Variants in PCCA observed in about 807,000 individuals in gnomAD.
PCCA encodes propionyl-CoA carboxylase alpha chain, mitochondrial.
PCCA carries 74 observed loss-of-function variants against 101.3 expected under a neutral mutation model. The observed-to-expected ratio is 0.73, with a 90% CI of 0.61 to 0.89. The LOEUF is 0.89. PCCA is among the 40% of genes least tolerant of loss of function. PCCA has a pLI of 0.00. For missense variants in PCCA, 891 were observed against 907.0 expected, an observed-to-expected ratio of 0.98 and a Z score of 0.23; for synonymous variants, 294 against 313.6, an observed-to-expected ratio of 0.94 and a Z score of 0.66.
intron 6 of PCCA, among the ~76,000 whole-genome samples, chr13:100,174,306 C>T (rs1418544567): frequency 6.6e-6 from 1 of 151,650 alleles, no homozygotes; most frequent in African/African-American, 2.4e-5. Context: ...CTAAAAAGCT[C>T]GAGTTTCACT....
chr13:100,443,654 AT>A (rs5806162), intron 20 of PCCA, among the ~76,000 whole-genome samples: 131,130 of 149,272 alleles, frequency 0.88, 58,321 homozygotes, highest in East Asian at 0.98. Flanking sequence ...GGTTATTGTG[AT>A]TTTTTTTTTT....
At chr13:100,150,957 T>C in intron 4 of PCCA, 1 of 1,515,510 alleles carries the variant, frequency 6.6e-7, no homozygotes, top group Non-Finnish European at 9.2e-7. Context: ...CAGCGCGCTT[T>C]ATCAGGCTGG....
intron 12 of PCCA, among the ~76,000 whole-genome samples, chr13:100,282,942 A>G (rs2064259632): frequency 6.6e-6 from 1 of 152,028 alleles, no homozygotes; most frequent in Non-Finnish European, 1.5e-5. Context: ...GAAATCTCCA[A>G]AGGACCACAA....
intron 4 of PCCA, among the ~76,000 whole-genome samples, chr13:100,133,582 GTTTT>G (rs1224463211): frequency 6.6e-6 from 1 of 151,466 alleles, no homozygotes; most frequent in Non-Finnish European, 1.5e-5. Flanking sequence ...CGGTTTTTTT[GTTTT>G]TTGTTTTTTT....
chr13:100,440,051 T>C (rs1388639335), intron 20 of PCCA, among the ~76,000 whole-genome samples: 1 of 151,224 alleles, frequency 6.6e-6, no homozygotes, highest in African/African-American at 2.4e-5. Context: ...ACTAATTTTC[T>C]ATGTTAAAGC....
intron 21 of PCCA, among the ~76,000 whole-genome samples, chr13:100,460,663 G>A (rs7981517): frequency 0.22 from 33,650 of 152,050 alleles, 3,786 homozygotes; most frequent in Admixed American, 0.24. Context: ...GAAAGCTTGA[G>A]TGATAATATT....
chr13:100,199,202 T>A (rs897040913), intron 6 of PCCA, among the ~76,000 whole-genome samples: 2 of 151,308 alleles, frequency 1.3e-5, no homozygotes, highest in African/African-American at 4.9e-5. Context: ...TTACCCTGAA[T>A]CCTGGAAAGC....
intron 6 of PCCA, among the ~76,000 whole-genome samples, chr13:100,157,555 C>A (rs2054004213): frequency 6.6e-6 from 1 of 152,158 alleles, no homozygotes; most frequent in African/African-American, 2.4e-5. Flanking sequence ...ATCACCATTA[C>A]ACTGAATGAA....
At chr13:100,340,005 A>G (rs1344778642) in intron 17 of PCCA, 152 bp from the exon 18 acceptor site, 3 of 680,588 alleles carry the variant, frequency 4.4e-6, no homozygotes, top group African/African-American at 1.8e-5. Flanking sequence ...TGCTTCCTCA[A>G]TGTCCGCACA....
intron 19 of PCCA, among the ~76,000 whole-genome samples, chr13:100,376,935 T>TAGGCTTCC (rs1486388038): frequency 6.6e-6 from 1 of 152,198 alleles, no homozygotes; most frequent in African/African-American, 2.4e-5. Flanking sequence ...CCTGGTGGTG[T>TAGGCTTCC]AGGCTTCCAA....
Position 100,118,943 on chromosome 13 carries a change from A to G in PCCA, c.300+6882A>G, listed in dbSNP as rs539619725. Among the ~76,000 whole-genome samples the G allele has an allele frequency of 4.8e-4, 73 of 152,256 alleles. No homozygotes were observed. The South Asian group carries it at 0.014, about 29-fold the overall frequency. On this transcript the variant is annotated intron_variant, in intron 4 of 23. Coordinates refer to ENST00000376285, the MANE Select transcript of PCCA (RefSeq NM_000282.4). ...ATGCTAAGTATGATCATTTGGTTTCATCAGGTCTTCCCATTATAATGGTAC... is the reference window on the plus strand; with the variant it reads ...ATGCTAAGTATGATCATTTGGTTTCGTCAGGTCTTCCCATTATAATGGTAC...
At chr13:100,442,781 A>G (rs995596853) in intron 20 of PCCA, among the ~76,000 whole-genome samples, 7 of 152,232 alleles carry the variant, frequency 4.6e-5, no homozygotes, top group Non-Finnish European at 1.0e-4. Context: ...AAGGATGGCT[A>G]GGAAGTCCTC....
At chr13:100,376,078 T>G (rs2075881204) in intron 19 of PCCA, among the ~76,000 whole-genome samples, 2 of 152,328 alleles carry the variant, frequency 1.3e-5, no homozygotes, top group South Asian at 4.1e-4. Flanking sequence ...TTTCTGTTTG[T>G]TAGTTTTCCT....
chr13:100,423,052 G>A (rs953849499), intron 19 of PCCA, among the ~76,000 whole-genome samples: 2 of 149,522 alleles, frequency 1.3e-5, no homozygotes, highest in Non-Finnish European at 3.0e-5. Flanking sequence ...AGTATTGGTT[G>A]TTTTCTGAGT....
At chr13:100,215,836 C>T (rs2059475976) in intron 7 of PCCA, among the ~76,000 whole-genome samples, 1 of 152,006 alleles carries the variant, frequency 6.6e-6, no homozygotes, top group African/African-American at 2.4e-5. Context: ...GATGAAGTTT[C>T]ACCACGTTGG....
chr13:100,161,612 G>A (rs2054480449), intron 6 of PCCA: 1 of 152,068 alleles, frequency 6.6e-6, no homozygotes, highest in Admixed American at 6.5e-5. Context: ...ATAAAATAAA[G>A]TGGATTAAAA....
intron 17 of PCCA, among the ~76,000 whole-genome samples, chr13:100,335,960 C>A (rs2070381490): frequency 6.6e-6 from 1 of 152,104 alleles, no homozygotes; most frequent in Admixed American, 6.5e-5. Flanking sequence ...CCTCTATCTG[C>A]ATTATTTAAT....
intron 5 of PCCA, among the ~76,000 whole-genome samples, chr13:100,155,985 G>T (rs2053843405): frequency 6.6e-6 from 1 of 152,206 alleles, no homozygotes; most frequent in South Asian, 2.1e-4. Flanking sequence ...ATAAAATGAA[G>T]TTGGTGGAAT....
At chr13:100,284,091 C>T (rs2152634736) in intron 12 of PCCA, among the ~76,000 whole-genome samples, 1 of 152,352 alleles carries the variant, frequency 6.6e-6, no homozygotes, top group East Asian at 1.9e-4. Flanking sequence ...GCACGGCCTT[C>T]TCAGTGTTAA....
Sources: allele counts gnomAD v4.1 joint callset (sites outside exome capture counted in the v4.1 genomes callset), GRCh38; gene constraint gnomAD v4.1.1; transcripts MANE v1.5; gene names NCBI Gene and HGNC (gene_info 2026-07-23, HGNC 2026-07-21).